The following CNTN4 variants were observed in gnomAD, a reference collection of about 807,000 sequenced individuals.
The protein encoded by CNTN4 is contactin-4.
In CNTN4, 77 loss-of-function variants were observed where a neutral mutation model predicts 122.5. The observed-to-expected ratio is 0.63, with a 90% CI of 0.52 to 0.76. The LOEUF is 0.76. CNTN4 is among the 30% of genes least tolerant of loss of function. CNTN4 has a pLI of 0.00. For missense variants in CNTN4, 1,256 were observed against 1,259.1 expected, an observed-to-expected ratio of 1.00 and a Z score of 0.04; for synonymous variants, 512 against 447.0, an observed-to-expected ratio of 1.15 and a Z score of -1.83.
In CNTN4 at chr3:2,856,758, A is replaced by G. The variant is rs139857681; in HGVS notation, c.455-9994A>G. Among the ~76,000 whole-genome samples, 316 of 152,334 alleles carry G rather than the reference A, an allele frequency of 2.1e-3. 2 individuals carry two copies. Among genetic ancestry groups the G allele is most frequent in the African/African-American group, 7.4e-3 (307 of 41,576 alleles). ...ACTCCTCGCTTGAGGGATCCTCCCC[A>G]AGAGTATACATTAACAAAGAGTAAA... On this transcript the variant is annotated intron_variant, in intron 7 of 24. Transcript: ENST00000418658.
At chr3:2,416,073 T>C (rs542436050) in intron 3 of CNTN4, among the ~76,000 whole-genome samples, 65 of 152,246 alleles carry the variant, frequency 4.3e-4, no homozygotes, top group African/African-American at 1.5e-3. Flanking sequence ...TATAAGATAC[T>C]AGTGTGCCAT....
intron 4 of CNTN4, among the ~76,000 whole-genome samples, chr3:2,588,310 A>G (rs777098335): frequency 1.6e-4 from 25 of 152,180 alleles, no homozygotes; most frequent in Admixed American, 4.6e-4. Context: ...AGAAGAACTC[A>G]AAGAGAATTA....
At chr3:2,732,740 T>G (rs1239822697) in intron 4 of CNTN4, among the ~76,000 whole-genome samples, 1 of 152,158 alleles carries the variant, frequency 6.6e-6, no homozygotes, top group Non-Finnish European at 1.5e-5. Context: ...CTCAAAAACA[T>G]TGTTAACCCT....
At chr3:2,877,219 G>A (rs969314588) in intron 8 of CNTN4, among the ~76,000 whole-genome samples, 1 of 152,214 alleles carries the variant, frequency 6.6e-6, no homozygotes, top group Admixed American at 6.5e-5. Flanking sequence ...GATCAGATCT[G>A]TGTTACCACA....
chr3:2,949,001 A>G (rs1208188330), intron 13 of CNTN4, among the ~76,000 whole-genome samples: 1 of 151,992 alleles, frequency 6.6e-6, no homozygotes, highest in Non-Finnish European at 1.5e-5. Flanking sequence ...TGCTTGCCAT[A>G]TCCTGCAGTG....
At chr3:2,265,541 T>C (rs1435307938) in intron 2 of CNTN4, among the ~76,000 whole-genome samples, 1 of 152,068 alleles carries the variant, frequency 6.6e-6, no homozygotes, top group African/African-American at 2.4e-5. Flanking sequence ...ATTGCTTTAA[T>C]TATTCAAGGT....
chr3:2,654,849 T>G (rs2083513612), intron 4 of CNTN4, among the ~76,000 whole-genome samples: 2 of 152,140 alleles, frequency 1.3e-5, no homozygotes, highest in Non-Finnish European at 1.5e-5. Flanking sequence ...CTTCTTTGCT[T>G]CTTCTTCTTA....
chr3:2,671,104 G>A (rs1179768585), intron 4 of CNTN4, among the ~76,000 whole-genome samples: 1 of 152,054 alleles, frequency 6.6e-6, no homozygotes, highest in Non-Finnish European at 1.5e-5. Context: ...TATCTTTGTG[G>A]CGTTCTCTGT....
At chr3:2,358,209 A>C (rs2044956345) in intron 3 of CNTN4, among the ~76,000 whole-genome samples, 2 of 152,184 alleles carry the variant, frequency 1.3e-5, no homozygotes, top group Admixed American at 6.5e-5. Context: ...CAGTCCACTT[A>C]ACAGTTTGAG....
rs534734332 is a variant in CNTN4, at chr3:2,760,817, A to G, written c.358+15120A>G. Among the ~76,000 whole-genome samples, 4 of 152,232 alleles carry G rather than the reference A, an allele frequency of 2.6e-5. No homozygotes were observed. The East Asian group carries it at 7.7e-4, about 29-fold the overall frequency. ...GACAATCTAATCCACTGTTTCCCCAAATTTGAGGTAGAACTCATTTGTCCT... is the reference window on the plus strand; with the variant it reads ...GACAATCTAATCCACTGTTTCCCCAGATTTGAGGTAGAACTCATTTGTCCT... On this transcript the variant is annotated intron_variant, in intron 6 of 24. Transcript: ENST00000418658.
At chr3:2,772,742 A>G (rs1409105179) in intron 6 of CNTN4, among the ~76,000 whole-genome samples, 2 of 152,204 alleles carry the variant, frequency 1.3e-5, no homozygotes, top group Non-Finnish European at 2.9e-5. Flanking sequence ...ATAGGGCTGA[A>G]GGTTTACAGT....
At chr3:2,444,878 T>C (rs2048563918) in intron 3 of CNTN4, among the ~76,000 whole-genome samples, 1 of 152,128 alleles carries the variant, frequency 6.6e-6, no homozygotes, top group South Asian at 2.1e-4. Context: ...CATATTGTTA[T>C]TGGTATTGCA....
intron 3 of CNTN4, among the ~76,000 whole-genome samples, chr3:2,443,951 C>G (rs762321668): frequency 6.6e-5 from 10 of 152,106 alleles, no homozygotes; most frequent in African/African-American, 1.9e-4. Flanking sequence ...CGTAGTTTAT[C>G]GGATAAACCA....
chr3:2,829,017 G>A (rs1249147115), intron 7 of CNTN4, among the ~76,000 whole-genome samples: 1 of 152,142 alleles, frequency 6.6e-6, no homozygotes, highest in African/African-American at 2.4e-5. Flanking sequence ...GGGAGTACAG[G>A]CATGAGCCAC....
intron 4 of CNTN4, among the ~76,000 whole-genome samples, chr3:2,688,942 G>A (rs1335951492): frequency 6.6e-6 from 1 of 152,146 alleles, no homozygotes; most frequent in Non-Finnish European, 1.5e-5. Flanking sequence ...GAGGAGATAC[G>A]TCCTTACAGA....
chr3:2,802,775 G>A (rs918340950), intron 6 of CNTN4, among the ~76,000 whole-genome samples: 1 of 152,092 alleles, frequency 6.6e-6, no homozygotes, highest in Admixed American at 6.6e-5. Flanking sequence ...TAGACACCCG[G>A]CAGTATGGTG....
chr3:2,186,218 A>G (rs932661429), intron 2 of CNTN4, among the ~76,000 whole-genome samples: 2 of 152,054 alleles, frequency 1.3e-5, no homozygotes, highest in Non-Finnish European at 2.9e-5. Context: ...GCTGAGAATG[A>G]TGGTTTCCAG....
chr3:2,883,280 C>T lies in CNTN4; in HGVS notation c.755+33C>T, dbSNP rs1239935565. 6 of 1,499,486 alleles carry T rather than the reference C, an allele frequency of 4.0e-6. No individual in the cohort carries two copies. The Admixed American group carries it at 8.5e-5, about 21-fold the overall frequency. The allele number at this position is 1,499,486 out of a possible 1,614,324, so 92.9% of individuals were successfully genotyped here. On this transcript the variant is annotated intron_variant, in intron 9 of 24. Coordinates refer to ENST00000418658, the MANE Select transcript of CNTN4 (RefSeq NM_175607.3). ...CTGGTTTGCGTTCCTTCTCATCCTC[C>T]CTTCAGCTTGAGCAGGTATAGAGTT...
intron 3 of CNTN4, among the ~76,000 whole-genome samples, chr3:2,412,619 A>C (rs1278959434): frequency 1.3e-5 from 2 of 152,132 alleles, no homozygotes; most frequent in African/African-American, 2.4e-5. Flanking sequence ...TCTAATTCTT[A>C]TGCAATAGTA....
Sources: gnomAD v4.1 joint callset for allele counts (sites outside exome capture counted in the v4.1 genomes callset) on GRCh38, gnomAD v4.1.1 for gene constraint, MANE v1.5 for transcripts, NCBI Gene and HGNC (gene_info 2026-07-23, HGNC 2026-07-21) for gene names.